Variants in FECH observed in about 807,000 individuals in gnomAD.
FECH encodes ferrochelatase.
A neutral mutation model predicts 56.9 loss-of-function variants in FECH; 40 were observed. That is an observed-to-expected ratio of 0.70 (90% CI 0.55 to 0.92). The LOEUF (loss-of-function observed/expected upper bound fraction) is 0.92. Among genes scored for constraint, FECH ranks in the 40% least tolerant of loss-of-function variants. The pLI, the probability that FECH is intolerant of heterozygous loss-of-function variation, is 0.00. For synonymous variants in FECH, 175 were observed against 198.6 expected (o/e 0.88, Z 1.00); for missense variants, 431 against 529.1 (o/e 0.81, Z 1.82).
At chr18:57,566,627 T>C (rs771820513) in intron 4 of FECH, 46 bp from the exon 5 acceptor site, 2 of 1,609,464 alleles carry the variant, frequency 1.2e-6, no homozygotes. Context: ...AATCCTTATA[T>C]AGATTCCTCA....
At chr18:57,567,532 A>T (rs1317139528) in intron 4 of FECH, among the ~76,000 whole-genome samples, 1 of 152,266 alleles carries the variant, frequency 6.6e-6, no homozygotes, top group East Asian at 1.9e-4. Context: ...TCATAGGATT[A>T]CACATAACTT....
intron 3 of FECH, among the ~76,000 whole-genome samples, chr18:57,572,589 G>GA (rs1555681070): frequency 1.9e-4 from 1 of 5,244 alleles, no homozygotes. Flanking sequence ...GTAACGAAGT[G>GA]GGGGGGGGGG....
Position 57,562,870 on chromosome 18 carries a change from T to C in FECH, c.705+4A>G. ...TGACAGGCAGCTGGCAAGCACTGGC[T>C]TACCTGGATGAGGAGGTGATGTGTG... On this transcript the variant is annotated splice_donor_region_variant and intron_variant, in intron 6 of 10. Coordinates refer to ENST00000262093, the MANE Select transcript of FECH (RefSeq NM_000140.5). The C allele has an allele frequency of 6.2e-7, 1 of 1,613,360 alleles. No individual in the cohort carries two copies. Among genetic ancestry groups the C allele is most frequent in the Non-Finnish European group, 8.5e-7 (1 of 1,179,404 alleles).
In FECH at chr18:57,580,122, T is replaced by C. The variant is rs1322389234; in HGVS notation, c.145A>G (p.Thr49Ala). ...GAAAAAVTTETAQHAQGAKPQ... is the reference protein window; with the variant it reads ...GAAAAAVTTEAAQHAQGAKPQ... ...TTTGCACCCTGGGCATGCTGGGCTGTTTCTGTGGTGACGGCCGCTGCAGCT... is the reference window on the plus strand; with the variant it reads ...TTTGCACCCTGGGCATGCTGGGCTGCTTCTGTGGTGACGGCCGCTGCAGCT... The change falls in exon 2 of 11, where the codon ACA becomes GCA. Residue 49 changes from threonine (T) to alanine (A), a missense_variant. Physicochemically the swap from Thr to Ala is moderately conservative, Grantham distance 58. Coordinates refer to ENST00000262093, the MANE Select transcript of FECH (RefSeq NM_000140.5). The C allele has an allele frequency of 6.2e-7, 1 of 1,614,170 alleles. No individual in the cohort carries two copies. The highest frequency in any genetic ancestry group is 8.5e-7 in the Non-Finnish European group (1 of 1,180,040).
rs2050782844 is a variant in FECH, at chr18:57,550,513, T to C, written c.*199A>G. 3.4e-6 allele frequency: 2 copies of C among 589,404 alleles called. No homozygotes were observed. The highest frequency in any genetic ancestry group is 5.9e-6 in the Non-Finnish European group (2 of 340,436). 36.5% of individuals were successfully genotyped at this position (589,404 alleles called of 1,614,324 possible). A position where few individuals can be genotyped will look rare whatever the true frequency, so the allele number is the denominator to read the frequency against. Reference sequence around the variant, plus strand: ...TATACCTAGAGAGAGAAAATACAAATGCTTACTGTATAGTTATATAAAAAT... The same window carrying C: ...TATACCTAGAGAGAGAAAATACAAACGCTTACTGTATAGTTATATAAAAAT... On this transcript the variant is annotated 3_prime_UTR_variant, in exon 11 of 11. Coordinates refer to ENST00000262093, the MANE Select transcript of FECH (RefSeq NM_000140.5).
chr18:57,577,403 A>G (rs1020773583), intron 2 of FECH, among the ~76,000 whole-genome samples: 9 of 152,194 alleles, frequency 5.9e-5, no homozygotes, highest in Admixed American at 4.6e-4. Flanking sequence ...TTTACTACCT[A>G]ACCCTTTACA....
At chr18:57,557,280 A>G (rs1015449325) in intron 7 of FECH, among the ~76,000 whole-genome samples, 5 of 152,232 alleles carry the variant, frequency 3.3e-5, no homozygotes, top group African/African-American at 1.2e-4. Context: ...AAAAGTTGTC[A>G]GAAGGGAACG....
At chr18:57,566,315 G>T in intron 5 of FECH, 132 bp downstream of exon 5, 1 of 1,240,832 alleles carries the variant, frequency 8.1e-7, no homozygotes, top group Non-Finnish European at 1.2e-6. Context: ...CTGAACTCTC[G>T]TGTTTAAAGA....
At chr18:57,550,936 T>G in intron 10 of FECH, 90 bp from the exon 11 acceptor site, 4 of 1,558,018 alleles carry the variant, frequency 2.6e-6, no homozygotes, top group Non-Finnish European at 3.5e-6. Flanking sequence ...AGGTCAGCGC[T>G]CTGGCTTGGG....
At chr18:57,562,702 A>G (rs1470892357) in intron 6 of FECH, among the ~76,000 whole-genome samples, 172 bp downstream of exon 6, 1 of 152,222 alleles carries the variant, frequency 6.6e-6, no homozygotes, top group Non-Finnish European at 1.5e-5. Flanking sequence ...CTTTAAATGT[A>G]TTTTCTCTTT....
chr18:57,571,354 A>G, intron 4 of FECH, 38 bp downstream of exon 4: 2 of 1,604,722 alleles, frequency 1.2e-6, no homozygotes, highest in Non-Finnish European at 1.7e-6. Context: ...ACTTCGAAAG[A>G]ACTAATCTAG....
Position 57,573,253 on chromosome 18 carries a change from T to A in FECH, c.307A>T (p.Ile103Phe). Residue 103 changes from isoleucine (I) to phenylalanine (F), a missense_variant, in exon 3 of 11, where the codon ATT (isoleucine) becomes TTT (phenylalanine). Ile to Phe is a conservative substitution (Grantham distance 21, BLOSUM62 0). Transcript: ENST00000262093. ...FLDRDLMTLP[I>F]QNKLAPFIAK... ...TGTTTATATATATCTCACTTCTGAA[T>A]AGGAAGTGTCATGAGGTCTCGGTCC... The A allele has an allele frequency of 6.2e-7, 1 of 1,613,386 alleles. No individual in the cohort carries two copies. The highest frequency in any genetic ancestry group is 8.5e-7 in the Non-Finnish European group (1 of 1,179,290).
At position 57,554,287 on chromosome 18, in the gene FECH, G is replaced by C. The variant is rs757166792; in HGVS notation, c.1050C>G (p.Ile350Met). 3 of 1,614,076 alleles carry C rather than the reference G, an allele frequency of 1.9e-6. No individual in the cohort carries two copies. The highest frequency in any genetic ancestry group is 2.5e-6 in the Non-Finnish European group (3 of 1,180,030). The change falls in exon 9 of 11, where the codon ATC (isoleucine) becomes ATG (methionine). Residue 350 changes from isoleucine (I) to methionine (M), a missense_variant. Ile to Met is a conservative substitution (Grantham distance 10). Coordinates refer to ENST00000262093, the MANE Select transcript of FECH (RefSeq NM_000140.5). ...CCTTGGCTAAAACTTGAGAGTACTCGATGTCCAGCTCATACAGCGTTTCAA... is the reference window on the plus strand; with the variant it reads ...CCTTGGCTAAAACTTGAGAGTACTCCATGTCCAGCTCATACAGCGTTTCAA... ...DHIETLYELD[I>M]EYSQVLAKEC... is the part of the protein sequence containing the mutation.
In FECH at chr18:57,580,263, C is replaced by T. The variant is rs886885312; in HGVS notation, c.68-64G>A. 1.7e-5 allele frequency: 27 copies of T among 1,583,526 alleles called. 1 individual carries two copies. The highest frequency in any genetic ancestry group is 1.7e-4 in the Middle Eastern group (1 of 5,994). ...GAAAGTAATTTCTTCTGAAGAGGTC[C>T]TCAGAGCATAATTCCTGACTTTAAA... is the stretch of plus-strand genomic sequence containing the variant. On this transcript the variant is annotated intron_variant, in intron 1 of 10. Transcript: ENST00000262093.
intron 8 of FECH, 109 bp from the exon 9 acceptor site, chr18:57,554,533 C>T (rs1481376431): frequency 2.7e-6 from 3 of 1,105,370 alleles, no homozygotes; most frequent in Non-Finnish European, 4.1e-6. Context: ...GCAAGAGCCA[C>T]TCTTTACACC....
intron 7 of FECH, among the ~76,000 whole-genome samples, chr18:57,558,701 C>T (rs1281004634): frequency 2.0e-5 from 3 of 152,148 alleles, no homozygotes; most frequent in African/African-American, 4.8e-5. Flanking sequence ...GGGTGGATCA[C>T]CTAAGGTCAG....
At chr18:57,563,125 A>C (rs2050967739) in intron 5 of FECH, 145 bp from the exon 6 acceptor site, 1 of 703,810 alleles carries the variant, frequency 1.4e-6, no homozygotes, top group Non-Finnish European at 2.5e-6. Flanking sequence ...TCAATACTCT[A>C]AAATGCATAT....
chr18:57,554,829 T>G lies in FECH; in HGVS notation c.912+16A>C. On this transcript the variant is annotated intron_variant, in intron 8 of 10. Transcript: ENST00000262093. ...CCAATAAGAGCTGGCCGCCCGCCAG[T>G]GTGGAAGCCACTTACCTTGGATTGC... 2 of 1,604,194 alleles carry G rather than the reference T, an allele frequency of 1.2e-6. No individual in the cohort carries two copies. The highest frequency in any genetic ancestry group is 1.7e-6 in the Non-Finnish European group (2 of 1,170,842).
In FECH at chr18:57,586,573, GC is replaced by G. The variant is rs2051380165; in HGVS notation, c.47del (p.Gly16AlafsTer57). On this transcript the variant is annotated frameshift_variant, in exon 1 of 11. Transcript: ENST00000262093. LOFTEE classifies it high-confidence loss of function. Reference protein sequence around the residue: ...ANMAAALRAAGVLLRDPLASS... With the variant: ...ANMAAALRAAXVLLRDPLASS... ...ACTTACGCGGATCGCGGAGCAGGAC[GC>G]CCGCGGCGCGCAGGGCCGCAGCCAT... 4 of 1,521,964 alleles carry G rather than the reference GC, an allele frequency of 2.6e-6. No homozygotes were observed. Among genetic ancestry groups the G allele is most frequent in the Non-Finnish European group, 3.5e-6 (4 of 1,141,668 alleles). 94.3% of individuals were successfully genotyped at this position (1,521,964 alleles called of 1,614,324 possible). A position where few individuals can be genotyped will look rare whatever the true frequency, so the allele number is the denominator to read the frequency against.
Sources: allele counts gnomAD v4.1 joint callset (sites outside exome capture counted in the v4.1 genomes callset), GRCh38; gene constraint gnomAD v4.1.1; transcripts MANE v1.5; gene names NCBI Gene and HGNC (gene_info 2026-07-23, HGNC 2026-07-21).